ABCB1: variants seen among roughly 807,000 people sequenced by gnomAD.
ABCB1 encodes ATP binding cassette subfamily B member 1, also known as ATP-dependent translocase ABCB1.
In ABCB1, 69 loss-of-function variants were observed where a neutral mutation model predicts 142.0. The observed-to-expected ratio is 0.49, with a 90% CI of 0.40 to 0.59. The LOEUF is 0.59. ABCB1 is among the 20% of genes least tolerant of loss of function. The probability of loss-of-function intolerance (pLI) is 0.00; values close to 1 mark genes in which losing one functional copy is unlikely to be tolerated. For missense variants in ABCB1, 1,326 were observed against 1,554.7 expected (o/e 0.85, Z 2.47); for synonymous variants, 532 against 539.2 (o/e 0.99, Z 0.18).
chr7:87,589,957 A>G (rs1818930343), intron 3 of ABCB1, among the ~76,000 whole-genome samples: 1 of 152,142 alleles, frequency 6.6e-6, no homozygotes, highest in South Asian at 2.1e-4. Flanking sequence ...TCCGTGCCTA[A>G]TGCCAAAGAC....
At chr7:87,551,310 C>T (rs953498268) in intron 9 of ABCB1, among the ~76,000 whole-genome samples, 1 of 152,226 alleles carries the variant, frequency 6.6e-6, no homozygotes, top group African/African-American at 2.4e-5. Context: ...GGCCACCACA[C>T]CCAGCCAAGA....
chr7:87,644,502 A>G (rs1183203518), intron 1 of ABCB1, among the ~76,000 whole-genome samples: 3 of 152,228 alleles, frequency 2.0e-5, no homozygotes, highest in East Asian at 3.8e-4. Flanking sequence ...TATTAAAAAC[A>G]TCACTCTTAT....
At position 87,566,250 on chromosome 7, in the gene ABCB1, A is replaced by C; in HGVS notation, c.531-9T>G. The C allele has an allele frequency of 6.2e-7, 1 of 1,613,364 alleles. No homozygotes were observed. ...TAATCTTGGAGACATCACTGAAAGA[A>C]CAGATAGTGTTAGAAATAATTGTCA... is the stretch of plus-strand genomic sequence containing the variant. On this transcript the variant is annotated splice_polypyrimidine_tract_variant and intron_variant, in intron 6 of 27. Coordinates refer to ENST00000622132, the MANE Select transcript of ABCB1 (RefSeq NM_001348946.2).
chr7:87,649,001 A>G (rs1451541177), intron 1 of ABCB1, among the ~76,000 whole-genome samples: 1 of 151,958 alleles, frequency 6.6e-6, no homozygotes, highest in Non-Finnish European at 1.5e-5. Flanking sequence ...CATAACTATC[A>G]AGAGTAAAAC....
intron 1 of ABCB1, among the ~76,000 whole-genome samples, chr7:87,645,070 A>T (rs1193146617): frequency 1.4e-5 from 2 of 147,950 alleles, no homozygotes; most frequent in African/African-American, 5.0e-5. Context: ...AGTCACAATC[A>T]TGCTTTCTTT....
At chr7:87,693,006 G>C (rs1403295975) in intron 1 of ABCB1, among the ~76,000 whole-genome samples, 2 of 152,086 alleles carry the variant, frequency 1.3e-5, no homozygotes, top group South Asian at 4.1e-4. Flanking sequence ...CTAGCTCTAT[G>C]TGTTTGTCTT....
At chr7:87,543,064 T>G (rs1169126990) in intron 17 of ABCB1, among the ~76,000 whole-genome samples, 2 of 152,116 alleles carry the variant, frequency 1.3e-5, no homozygotes, top group East Asian at 3.9e-4. Context: ...CTCATGCCAG[T>G]AGGTGGATTA....
At chr7:87,616,127 T>C (rs1178955691) in intron 1 of ABCB1, among the ~76,000 whole-genome samples, 2 of 152,200 alleles carry the variant, frequency 1.3e-5, no homozygotes, top group African/African-American at 4.8e-5. Context: ...ATCTACCTTC[T>C]AAAATTATGT....
chr7:87,561,894 G>A (rs1817575544), intron 7 of ABCB1, among the ~76,000 whole-genome samples: 2 of 152,308 alleles, frequency 1.3e-5, no homozygotes, highest in South Asian at 4.1e-4. Flanking sequence ...GCTGAGGTGG[G>A]AGGATCGTTT....
chr7:87,675,653 CAAAA>C (rs200136132), intron 1 of ABCB1, among the ~76,000 whole-genome samples: 13 of 65,848 alleles, frequency 2.0e-4, no homozygotes, highest in South Asian at 5.2e-4. Context: ...TATTCACATG[CAAAA>C]AAAAAAAAAA....
chr7:87,567,004 GCT>G (rs1181452393), intron 5 of ABCB1, 28 bp from the exon 6 acceptor site: 1 of 1,601,764 alleles, frequency 6.2e-7, no homozygotes, highest in Admixed American at 1.7e-5. Context: ...CACTGCACAT[GCT>G]CTCTGTTTCC....
intron 1 of ABCB1, among the ~76,000 whole-genome samples, chr7:87,687,074 A>T (rs1563133914): frequency 6.6e-6 from 1 of 152,214 alleles, no homozygotes; most frequent in African/African-American, 2.4e-5. Context: ...TAAATTGCGT[A>T]TAATTTAATC....
intron 1 of ABCB1, among the ~76,000 whole-genome samples, chr7:87,637,274 A>G (rs959448746): frequency 1.1e-4 from 16 of 152,184 alleles, no homozygotes; most frequent in African/African-American, 3.6e-4. Flanking sequence ...TCTTTTTTCC[A>G]ATAGTCTATT....
chr7:87,653,799 T>TA (rs1823813020), intron 1 of ABCB1, among the ~76,000 whole-genome samples: 1 of 152,020 alleles, frequency 6.6e-6, no homozygotes, highest in South Asian at 2.1e-4. Context: ...CAGTCTTACT[T>TA]AGTCTTCTGG....
intron 8 of ABCB1, among the ~76,000 whole-genome samples, chr7:87,554,995 G>A (rs762957615): frequency 6.6e-6 from 1 of 152,200 alleles, no homozygotes; most frequent in African/African-American, 2.4e-5. Flanking sequence ...TGACTTACAG[G>A]TTATTCCCAA....
intron 7 of ABCB1, among the ~76,000 whole-genome samples, chr7:87,565,677 C>T (rs1209580136): frequency 7.3e-5 from 11 of 150,328 alleles, no homozygotes; most frequent in Non-Finnish European, 1.3e-4. Flanking sequence ...ATCTGTAGTT[C>T]ACTAAACTTG....
intron 1 of ABCB1, among the ~76,000 whole-genome samples, chr7:87,643,366 T>G (rs1338023005): frequency 6.6e-6 from 1 of 152,188 alleles, no homozygotes; most frequent in Non-Finnish European, 1.5e-5. Flanking sequence ...ACAAAAACAT[T>G]TAACTAGTTG....
chr7:87,512,189 A>T (rs1409574855), intron 25 of ABCB1, among the ~76,000 whole-genome samples: 1 of 131,972 alleles, frequency 7.6e-6, no homozygotes. Context: ...TTAAAAAAAA[A>T]ATTTTTTTTT....
At chr7:87,587,941 A>C (rs895754454) in intron 3 of ABCB1, among the ~76,000 whole-genome samples, 2 of 118,022 alleles carry the variant, frequency 1.7e-5, no homozygotes, top group African/African-American at 2.5e-5. Context: ...AAAAGAGCAC[A>C]ATGTGCTTAA....
Sources: allele counts gnomAD v4.1 joint callset (sites outside exome capture counted in the v4.1 genomes callset), GRCh38; gene constraint gnomAD v4.1.1; transcripts MANE v1.5; gene names NCBI Gene and HGNC (gene_info 2026-07-23, HGNC 2026-07-21).